The following BTD variants were observed in gnomAD, a reference collection of about 807,000 sequenced individuals.
BTD encodes biotinidase, also known as biocytinase.
BTD carries 13 observed loss-of-function variants against 17.7 expected under a neutral mutation model. That is an observed-to-expected ratio of 0.74 (90% CI 0.48 to 1.17). BTD has a LOEUF of 1.17. Among genes scored for constraint, BTD ranks in the 50% most tolerant of loss-of-function variants. The probability of loss-of-function intolerance (pLI) is 0.00; values close to 1 mark genes in which losing one functional copy is unlikely to be tolerated. For missense variants in BTD, 674 were observed against 650.4 expected (o/e 1.04, Z -0.39); for synonymous variants, 240 against 245.2 (o/e 0.98, Z 0.20).
chr3:15,714,509 G>A, downstream of BTD: 1 of 1,110,828 alleles, frequency 9.0e-7, no homozygotes, highest in Admixed American at 3.2e-5. Flanking sequence ...CATTCATTTG[G>A]TGGATGTTTT....
At chr3:15,615,378 C>T (rs1335075282) in intron 1 of BTD, among the ~76,000 whole-genome samples, 1 of 152,192 alleles carries the variant, frequency 6.6e-6, no homozygotes, top group Non-Finnish European at 1.5e-5. Flanking sequence ...CTTTGGCAGG[C>T]AGGCAGATAT....
downstream of BTD, among the ~76,000 whole-genome samples, chr3:15,715,597 G>GC (rs1399150634): frequency 2.0e-5 from 3 of 152,092 alleles, no homozygotes; most frequent in Non-Finnish European, 1.5e-5. Flanking sequence ...GAGGAGAGAG[G>GC]ATGCATGCAT....
At chr3:15,630,799 C>G (rs925527612) in intron 1 of BTD, among the ~76,000 whole-genome samples, 2 of 152,140 alleles carry the variant, frequency 1.3e-5, no homozygotes, top group Admixed American at 6.5e-5. Flanking sequence ...CTGTCACTCA[C>G]AAGTGTTTAC....
At chr3:15,608,895 T>C (rs2064536484) in intron 1 of BTD, among the ~76,000 whole-genome samples, 1 of 152,236 alleles carries the variant, frequency 6.6e-6, no homozygotes, top group Non-Finnish European at 1.5e-5. Context: ...ATATTTTCTG[T>C]TTTCACTTGC....
At chr3:15,706,005 C>T (rs1308455529) in intron 3 of BTD, among the ~76,000 whole-genome samples, 1 of 150,530 alleles carries the variant, frequency 6.6e-6, no homozygotes, top group Non-Finnish European at 1.5e-5. Context: ...CATCTCAAAA[C>T]GAAACAAAAC....
intron 1 of BTD, among the ~76,000 whole-genome samples, chr3:15,620,876 A>C (rs908129872): frequency 6.6e-6 from 1 of 152,242 alleles, no homozygotes; most frequent in Non-Finnish European, 1.5e-5. Flanking sequence ...GGCTCACACA[A>C]TTATGGAGGC....
chr3:15,720,922 T>C (rs1416368294), intron 4 of BTD: 6 of 1,613,006 alleles, frequency 3.7e-6, no homozygotes, highest in Non-Finnish European at 4.2e-6. Flanking sequence ...TACCTTCATA[T>C]TGACATCGGC....
Position 15,612,503 on chromosome 3 carries a change from C to T in BTD, c.-17+10609C>T, listed in dbSNP as rs183715930. On this transcript the variant is annotated intron_variant, in intron 1 of 3. Transcript: ENST00000643237. ...GATTATTTTGCCCCTAATAAATACC[C>T]TTGATCTTTTTATTTAGCTTCCCAA... is the stretch of plus-strand genomic sequence containing the variant. 1.8e-3 allele frequency among the ~76,000 whole-genome samples: 271 copies of T among 152,248 alleles called. 1 individual carries two copies. The highest frequency in any genetic ancestry group is 6.0e-3 in the African/African-American group (251 of 41,552).
intron 3 of BTD, 93 bp from the exon 4 acceptor site, chr3:15,644,223 A>G (rs556672716): frequency 4.5e-6 from 6 of 1,331,182 alleles, no homozygotes; most frequent in South Asian, 2.6e-5. Flanking sequence ...GGTGGTCTCA[A>G]TCTCCTGACC....
At chr3:15,602,057 C>T (rs913884394) in intron 1 of BTD, 163 bp downstream of exon 1, 23 of 1,462,078 alleles carry the variant, frequency 1.6e-5, no homozygotes, top group South Asian at 1.4e-4. Context: ...TGCGTTGCTG[C>T]TGTGCTACCG....
upstream of BTD, chr3:15,601,552 C>T: frequency 6.2e-7 from 1 of 1,604,210 alleles, no homozygotes; most frequent in Middle Eastern, 1.7e-4. Flanking sequence ...AGCACGCCAC[C>T]TCTGGTACTG....
Position 15,635,814 on chromosome 3 carries a change from T to C in BTD, c.249+126T>C. The C allele has an allele frequency of 9.6e-6, 13 of 1,357,158 alleles. No individual in the cohort carries two copies. Among genetic ancestry groups the C allele is most frequent in the Non-Finnish European group, 1.3e-5 (13 of 964,552 alleles). 84.1% of individuals were successfully genotyped at this position (1,357,158 alleles called of 1,614,324 possible). Reference sequence around the variant, plus strand: ...TGAAAAAGCATCCAGGTAGTTAACCTGAGTTGAGTTAGTCAGTTGAATTAG... The same window carrying C: ...TGAAAAAGCATCCAGGTAGTTAACCCGAGTTGAGTTAGTCAGTTGAATTAG... On this transcript the variant is annotated intron_variant, in intron 2 of 3. Transcript: ENST00000643237. This position sits in a 1 kb window ranked among gnomAD's most constrained non-coding sequence, Gnocchi z 4.1.
chr3:15,718,650 ATCTCT>A (rs1161164046), intron 4 of BTD, among the ~76,000 whole-genome samples: 9 of 151,854 alleles, frequency 5.9e-5, no homozygotes, highest in African/African-American at 2.2e-4. Context: ...AGGAAGCCCA[ATCTCT>A]ACCTTTTAAA....
chr3:15,619,793 G>C (rs1184629779), intron 1 of BTD, among the ~76,000 whole-genome samples: 1 of 152,238 alleles, frequency 6.6e-6, no homozygotes, highest in Non-Finnish European at 1.5e-5. Flanking sequence ...GAGAAATAAA[G>C]AGAGACAGTA....
chr3:15,642,741 C>T (rs1188801507), intron 3 of BTD, among the ~76,000 whole-genome samples: 1 of 152,062 alleles, frequency 6.6e-6, no homozygotes, highest in East Asian at 1.9e-4. Flanking sequence ...GGATTACAGG[C>T]ATGAGCCACT....
intron 1 of BTD, among the ~76,000 whole-genome samples, chr3:15,618,899 T>C (rs1219485821): frequency 6.6e-6 from 1 of 152,274 alleles, no homozygotes; most frequent in South Asian, 2.1e-4. Context: ...TGTTTGCATA[T>C]GAACCTTGTA....
intron 1 of BTD, among the ~76,000 whole-genome samples, chr3:15,611,450 T>G (rs1419498791): frequency 1.3e-5 from 2 of 152,186 alleles, no homozygotes; most frequent in Admixed American, 6.5e-5. Context: ...AAAAAATGCC[T>G]TCTTTTACTA....
At chr3:15,637,941 G>T (rs1261392986) in intron 2 of BTD, among the ~76,000 whole-genome samples, 1 of 152,308 alleles carries the variant, frequency 6.6e-6, no homozygotes, top group Non-Finnish European at 1.5e-5. Context: ...TTTTCCAGGG[G>T]CCAGGATTAA....
Position 15,635,354 on chromosome 3 carries a change from A to T in BTD, c.-16-70A>T. 1 of 1,607,480 alleles carries T rather than the reference A, an allele frequency of 6.2e-7. No individual in the cohort carries two copies. Among genetic ancestry groups the T allele is most frequent in the Non-Finnish European group, 8.5e-7 (1 of 1,175,642 alleles). On this transcript the variant is annotated intron_variant, in intron 1 of 3. Coordinates refer to ENST00000643237, the MANE Select transcript of BTD (RefSeq NM_001370658.1). The surrounding 1 kb of genome is among the most constrained non-coding windows in gnomAD (Gnocchi z 4.1). ...TTAATTGCTGGGATTAATAAATCAC[A>T]GCTGCAAACGTTAAATTCTTGGCAG... is the stretch of plus-strand genomic sequence containing the variant.
Sources: gnomAD v4.1 joint callset for allele counts (sites outside exome capture counted in the v4.1 genomes callset) on GRCh38, gnomAD v4.1.1 for gene constraint, Gnocchi (gnomAD v3.1) non-coding constraint, MANE v1.5 for transcripts, NCBI Gene and HGNC (gene_info 2026-07-23, HGNC 2026-07-21) for gene names.